The following RNF146 variants were observed in gnomAD, a reference collection of about 807,000 sequenced individuals.
RNF146 encodes the protein ring finger protein 146, also known as E3 ubiquitin-protein ligase RNF146.
In RNF146, 11 loss-of-function variants were observed where a neutral mutation model predicts 29.7. The ratio of observed to expected loss-of-function variants is 0.37; its 90% CI spans 0.23 to 0.61. The LOEUF (loss-of-function observed/expected upper bound fraction) is 0.61, where lower values mean the gene tolerates loss of function less well. Ranked by LOEUF, RNF146 falls within the 20% of genes least tolerant of loss-of-function variation. The probability of loss-of-function intolerance (pLI) is 0.66; values close to 1 mark genes in which losing one functional copy is unlikely to be tolerated. For missense variants in RNF146, 342 were observed against 438.9 expected, an observed-to-expected ratio of 0.78 and a Z score of 1.97; for synonymous variants, 150 against 159.7, an observed-to-expected ratio of 0.94 and a Z score of 0.46.
Position 127,286,976 on chromosome 6 carries a change from T to C in RNF146, c.363T>C (p.Thr121=), listed in dbSNP as rs1293408610. Residue 121 remains threonine, a synonymous_variant, in exon 3 of 3, where the codon ACT becomes ACC. Coordinates refer to ENST00000368314, the MANE Select transcript of RNF146 (RefSeq NM_001242850.2). This position sits in a 1 kb window ranked among gnomAD's most constrained non-coding sequence, Gnocchi z 4.6. ...RNGWWQYDER[T]SRELEDAFSK... is the part of the protein sequence containing the mutation. ...GGTGGTGGCAGTACGATGAGCGCAC[T>C]AGTAGAGAGCTGGAAGATGCTTTTT... The C allele has an allele frequency of 7.4e-6, 12 of 1,613,372 alleles. No homozygotes were observed. Among genetic ancestry groups the C allele is most frequent in the Non-Finnish European group, 7.6e-6 (9 of 1,179,602 alleles).
At chr6:127,285,133 A>AT in intron 2 of RNF146, 1 of 835,326 alleles carries the variant, frequency 1.2e-6, no homozygotes, top group South Asian at 5.5e-5. Flanking sequence ...CAGTTCTTCC[A>AT]TTGAGACTGT....
chr6:127,281,910 A>G (rs1243971031), intron 2 of RNF146, among the ~76,000 whole-genome samples: 1 of 151,564 alleles, frequency 6.6e-6, no homozygotes, highest in Admixed American at 6.6e-5. Context: ...AAAGGTAAAG[A>G]TAGATTTTCA....
At chr6:127,280,201 G>T in intron 1 of RNF146, 30 bp from the exon 2 acceptor site, 2 of 783,870 alleles carry the variant, frequency 2.6e-6, no homozygotes, top group South Asian at 3.5e-5. Flanking sequence ...TGATTCTCTT[G>T]ATCTTAATTA....
intron 1 of RNF146, among the ~76,000 whole-genome samples, chr6:127,275,939 C>T (rs1778150049): frequency 6.6e-6 from 1 of 151,970 alleles, no homozygotes; most frequent in Admixed American, 6.6e-5. Context: ...TAATGTTGTC[C>T]TAAGGAGCTT....
chr6:127,279,795 C>A (rs1469806822), intron 1 of RNF146, among the ~76,000 whole-genome samples: 3 of 151,986 alleles, frequency 2.0e-5, no homozygotes, highest in African/African-American at 7.2e-5. Flanking sequence ...ACAAGTCCTT[C>A]ACCTCCTGGG....
Position 127,286,421 on chromosome 6 carries a change from T to C in RNF146, c.3-195T>C, listed in dbSNP as rs1289705823. On this transcript the variant is annotated intron_variant, in intron 2 of 2. Transcript: ENST00000368314. The surrounding 1 kb of genome is among the most constrained non-coding windows in gnomAD (Gnocchi z 4.6). ...GGAATTTTTATACATTCCCAAGGTATGTACAAGTAGATGCTTACAAAAAAT... is the reference window on the plus strand; with the variant it reads ...GGAATTTTTATACATTCCCAAGGTACGTACAAGTAGATGCTTACAAAAAAT... The C allele has an allele frequency of 3.0e-6, 2 of 676,692 alleles. No individual in the cohort carries two copies. The highest frequency in any genetic ancestry group is 6.5e-5 in the Admixed American group (2 of 30,872). 41.9% of individuals were successfully genotyped at this position (676,692 alleles called of 1,614,324 possible).
intron 1 of RNF146, among the ~76,000 whole-genome samples, chr6:127,271,075 A>G (rs901589375): frequency 2.6e-5 from 4 of 152,084 alleles, no homozygotes. Context: ...CAGCTTCCCA[A>G]AGTGCTAAGA....
At position 127,281,443 on chromosome 6, in the gene RNF146, T is replaced by C. The variant is rs183291504; in HGVS notation, c.2+1103T>C. 3.3e-5 allele frequency among the ~76,000 whole-genome samples: 5 copies of C among 151,860 alleles called. No homozygotes were observed. The East Asian group carries it at 9.7e-4, about 30-fold the overall frequency. On this transcript the variant is annotated intron_variant, in intron 2 of 2. Coordinates refer to ENST00000368314, the MANE Select transcript of RNF146 (RefSeq NM_001242850.2). ...ATATTAAGGTAACAATCAGATGCTA[T>C]TGAAACTGAACAGAGGAAGAGATTA...
chr6:127,270,358 A>T (rs1777292146), intron 1 of RNF146, among the ~76,000 whole-genome samples: 1 of 152,064 alleles, frequency 6.6e-6, no homozygotes, highest in African/African-American at 2.4e-5. Context: ...TTCTTCATAC[A>T]TCATCATATT....
intron 2 of RNF146, among the ~76,000 whole-genome samples, chr6:127,285,529 CTTT>C (rs10669927): frequency 7.7e-6 from 1 of 129,992 alleles, no homozygotes. Flanking sequence ...TTTAAAATGT[CTTT>C]TTTTTTTTTT....
chr6:127,287,808 G>A lies in RNF146; in HGVS notation c.*115G>A. ...ATTTTGGGAGTTGGGGTGGGAAGGG[G>A]TATGGGAAGGATAGACTCATAATTA... On this transcript the variant is annotated 3_prime_UTR_variant, in exon 3 of 3. Transcript: ENST00000368314. 1 of 681,214 alleles carries A rather than the reference G, an allele frequency of 1.5e-6. No homozygotes were observed. 42.2% of individuals were successfully genotyped at this position (681,214 alleles called of 1,614,324 possible).
chr6:127,269,255 C>T (rs2038378), intron 1 of RNF146, among the ~76,000 whole-genome samples: 110,936 of 152,136 alleles, frequency 0.73, 40,624 homozygotes, highest in East Asian at 0.78. Flanking sequence ...CTAATTAAAG[C>T]ATTTAGAACT....
Position 127,270,375 on chromosome 6 carries a change from G to T in RNF146, c.-109+3450G>T, listed in dbSNP as rs1236382384. 2.1e-4 allele frequency among the ~76,000 whole-genome samples: 32 copies of T among 151,556 alleles called. 2 individuals are homozygous for T. The highest frequency in any genetic ancestry group is 2.1e-3 in the Admixed American group (32 of 15,216). Reference sequence around the variant, plus strand: ...CTTCATACATCATCATATTAAGTTTGGTGTAAAATTTACAGGTCATTCATT... The same window carrying T: ...CTTCATACATCATCATATTAAGTTTTGTGTAAAATTTACAGGTCATTCATT... On this transcript the variant is annotated intron_variant, in intron 1 of 2. Coordinates refer to ENST00000368314, the MANE Select transcript of RNF146 (RefSeq NM_001242850.2).
chr6:127,285,663 A>G (rs1283385120), intron 2 of RNF146, among the ~76,000 whole-genome samples: 1 of 149,950 alleles, frequency 6.7e-6, no homozygotes, highest in Non-Finnish European at 1.5e-5. Flanking sequence ...CATTGCTTGT[A>G]TGACTATTTG....
chr6:127,272,926 A>G (rs1164395531), intron 1 of RNF146, among the ~76,000 whole-genome samples: 2 of 152,252 alleles, frequency 1.3e-5, no homozygotes, highest in African/African-American at 2.4e-5. Context: ...TAAGGAAGAA[A>G]AAATACATTT....
chr6:127,282,112 T>C (rs1215823390), intron 2 of RNF146, among the ~76,000 whole-genome samples: 1 of 151,758 alleles, frequency 6.6e-6, no homozygotes, highest in Non-Finnish European at 1.5e-5. Flanking sequence ...TTCACAACTT[T>C]TGCACCACAC....
chr6:127,284,166 G>C (rs901174629), intron 2 of RNF146, among the ~76,000 whole-genome samples: 9 of 151,688 alleles, frequency 5.9e-5, no homozygotes, highest in African/African-American at 1.2e-4. Context: ...AAATACAATA[G>C]GTTTGGAATT....
chr6:127,283,933 A>G (rs977115766), intron 2 of RNF146, among the ~76,000 whole-genome samples: 1 of 151,792 alleles, frequency 6.6e-6, no homozygotes, highest in Admixed American at 6.6e-5. Context: ...CAATTATGTT[A>G]TTATAATTCA....
rs1026451584 is a variant in RNF146 at position 127,280,354 on chromosome 6, C to T, written c.2+14C>T. On this transcript the variant is annotated intron_variant, in intron 2 of 2. Transcript: ENST00000368314. ...TGTAATAGAAATGTAAGTGTAGCAT[C>T]ATGGTTTTTTTCAGTGCTGCAGTAA... is the stretch of plus-strand genomic sequence containing the variant. 1.8e-5 allele frequency: 28 copies of T among 1,546,516 alleles called. No individual in the cohort carries two copies. Among genetic ancestry groups the T allele is most frequent in the Admixed American group, 7.9e-5 (4 of 50,858 alleles).
Sources: gnomAD v4.1 joint callset for allele counts (sites outside exome capture counted in the v4.1 genomes callset) on GRCh38, gnomAD v4.1.1 for gene constraint, Gnocchi (gnomAD v3.1) non-coding constraint, MANE v1.5 for transcripts, NCBI Gene and HGNC (gene_info 2026-07-23, HGNC 2026-07-21) for gene names.